Variants in NSUN6 observed in about 807,000 individuals in gnomAD.
NSUN6 encodes NOP2/Sun RNA methyltransferase 6.
A neutral mutation model predicts 58.0 loss-of-function variants in NSUN6; 64 were observed. The ratio of observed to expected loss-of-function variants is 1.10; its 90% CI spans 0.90 to 1.36. The LOEUF (loss-of-function observed/expected upper bound fraction) is 1.36. Ranked by LOEUF, NSUN6 falls within the 40% of genes most tolerant of loss-of-function variation. The probability of loss-of-function intolerance (pLI) is 0.00; values close to 1 mark genes in which losing one functional copy is unlikely to be tolerated. For missense variants in NSUN6, 701 were observed against 550.1 expected (o/e 1.27, Z -2.74); for synonymous variants, 231 against 193.9 (o/e 1.19, Z -1.59).
chr10:18,595,494 G>A (rs763801715), intron 7 of NSUN6, among the ~76,000 whole-genome samples: 28 of 152,008 alleles, frequency 1.8e-4, no homozygotes, highest in Non-Finnish European at 3.7e-4. Flanking sequence ...ACATCACAAC[G>A]CCACAAAATC....
intron 8 of NSUN6, among the ~76,000 whole-genome samples, chr10:18,568,835 T>C (rs1208278281): frequency 3.3e-5 from 3 of 90,286 alleles, no homozygotes; most frequent in Admixed American, 1.1e-4. Flanking sequence ...CATTCCATTC[T>C]CTATTCCATT....
In NSUN6 at chr10:18,568,205, C is replaced by G. The variant is rs577658410; in HGVS notation, c.923-16234G>C. On this transcript the variant is annotated intron_variant, in intron 8 of 10. Transcript: ENST00000377304. The stretch of plus-strand genomic sequence containing the variant: ...CCATTCTCCATTCCACAAAATTCAC[C>G]ATTCCATTCCCGTCCATTATCCATT... Among the ~76,000 whole-genome samples, 3 of 150,916 alleles carry G rather than the reference C, an allele frequency of 2.0e-5. No individual in the cohort carries two copies. The East Asian group carries it at 5.9e-4, about 30-fold the overall frequency.
chr10:18,613,694 G>A (rs963999834), intron 5 of NSUN6, among the ~76,000 whole-genome samples: 1 of 152,072 alleles, frequency 6.6e-6, no homozygotes, highest in South Asian at 2.1e-4. Context: ...CTAGATCTAG[G>A]GAATCCAACA....
intron 3 of NSUN6, among the ~76,000 whole-genome samples, chr10:18,635,198 G>C (rs2059172501): frequency 6.6e-6 from 1 of 152,176 alleles, no homozygotes; most frequent in South Asian, 2.1e-4. Context: ...GGTGCTGGAG[G>C]AATTAAGCAT....
upstream of NSUN6, chr10:18,653,117 G>C (rs979612349): frequency 1.0e-6 from 1 of 984,778 alleles, no homozygotes; most frequent in Admixed American, 6.2e-5. Context: ...TAGCACCACT[G>C]ATGGCTAGAA....
chr10:18,595,418 C>T (rs575210252), intron 7 of NSUN6, among the ~76,000 whole-genome samples: 14 of 152,208 alleles, frequency 9.2e-5, no homozygotes, highest in South Asian at 2.1e-4. Flanking sequence ...AGAATTAACA[C>T]TTTCTCAAAG....
intron 6 of NSUN6, among the ~76,000 whole-genome samples, chr10:18,608,832 C>G (rs1352443816): frequency 2.0e-5 from 3 of 152,062 alleles, no homozygotes; most frequent in African/African-American, 7.2e-5. Context: ...CAAAAAAACT[C>G]CACTGAAACT....
intron 8 of NSUN6, among the ~76,000 whole-genome samples, chr10:18,583,706 T>C (rs893239351): frequency 6.6e-6 from 1 of 152,044 alleles, no homozygotes; most frequent in African/African-American, 2.4e-5. Flanking sequence ...AAAAAGGATA[T>C]CAAGATGTTG....
chr10:18,580,316 T>G (rs1242139344), intron 8 of NSUN6, among the ~76,000 whole-genome samples: 1 of 152,146 alleles, frequency 6.6e-6, no homozygotes, highest in Non-Finnish European at 1.5e-5. Flanking sequence ...TTTCCACTTC[T>G]CCGAAGCTCA....
intron 2 of NSUN6, among the ~76,000 whole-genome samples, chr10:18,643,294 A>G (rs145216854): frequency 9.3e-4 from 141 of 151,682 alleles, no homozygotes; most frequent in Non-Finnish European, 1.6e-3. Flanking sequence ...AGAATAAAAA[A>G]CAGCTGCATA....
intron 3 of NSUN6, among the ~76,000 whole-genome samples, chr10:18,632,120 T>A (rs2059053117): frequency 6.6e-6 from 1 of 151,632 alleles, no homozygotes; most frequent in African/African-American, 2.4e-5. Flanking sequence ...AACTATCTGA[T>A]CTTTGACAAA....
At chr10:18,590,687 A>T (rs1451037374) in intron 7 of NSUN6, among the ~76,000 whole-genome samples, 1 of 152,224 alleles carries the variant, frequency 6.6e-6, no homozygotes, top group Non-Finnish European at 1.5e-5. Flanking sequence ...AGGCAGAAAT[A>T]AAGAAGTTAT....
At chr10:18,609,801 T>A in intron 6 of NSUN6, 44 bp downstream of exon 6, 1 of 965,808 alleles carries the variant, frequency 1.0e-6, no homozygotes, top group Non-Finnish European at 1.6e-6. Flanking sequence ...TTCACTGATG[T>A]ATGTTTCAAT....
intron 9 of NSUN6, among the ~76,000 whole-genome samples, chr10:18,550,815 C>G (rs2054553215): frequency 6.6e-6 from 1 of 151,764 alleles, no homozygotes; most frequent in Non-Finnish European, 1.5e-5. Context: ...ACCTTCGCCT[C>G]CCGAGTTCAA....
Position 18,551,301 on chromosome 10 carries a change from T to C in NSUN6, c.1071+522A>G, listed in dbSNP as rs1000549479. Among the ~76,000 whole-genome samples the C allele has an allele frequency of 4.2e-5, 6 of 141,620 alleles. No individual in the cohort carries two copies. The East Asian group carries it at 1.3e-3, about 30-fold the overall frequency. The allele number at this position is 141,620 out of a possible 152,430, so 92.9% of individuals were successfully genotyped here. Reference sequence around the variant, plus strand: ...GTGTGTGTGTGTGTGTGGTAAAATATAAATAACATAAAATTTATCATTTTA... The same window carrying C: ...GTGTGTGTGTGTGTGTGGTAAAATACAAATAACATAAAATTTATCATTTTA... On this transcript the variant is annotated intron_variant, in intron 9 of 10. Transcript: ENST00000377304.
At chr10:18,551,472 G>A (rs1216019115) in intron 9 of NSUN6, among the ~76,000 whole-genome samples, 1 of 151,970 alleles carries the variant, frequency 6.6e-6, no homozygotes, top group Non-Finnish European at 1.5e-5. Context: ...GCCCCACAAT[G>A]CCTGGTAGTA....
At chr10:18,582,086 C>T (rs944109208) in intron 8 of NSUN6, among the ~76,000 whole-genome samples, 1 of 152,138 alleles carries the variant, frequency 6.6e-6, no homozygotes, top group Non-Finnish European at 1.5e-5. Flanking sequence ...GGTCATATAC[C>T]AGTTAAACTT....
At chr10:18,594,773 A>G (rs1419676228) in intron 7 of NSUN6, among the ~76,000 whole-genome samples, 2 of 152,122 alleles carry the variant, frequency 1.3e-5, no homozygotes, top group African/African-American at 4.8e-5. Context: ...CATAGCCTCA[A>G]TTCTTCAACT....
intron 6 of NSUN6, among the ~76,000 whole-genome samples, chr10:18,601,843 G>A (rs926907341): frequency 6.6e-6 from 1 of 151,682 alleles, no homozygotes; most frequent in Non-Finnish European, 1.5e-5. Flanking sequence ...TGGGCATGGT[G>A]GTGGGCGCCT....
Sources: gnomAD v4.1 joint callset for allele counts (sites outside exome capture counted in the v4.1 genomes callset) on GRCh38, gnomAD v4.1.1 for gene constraint, MANE v1.5 for transcripts, NCBI Gene and HGNC (gene_info 2026-07-23, HGNC 2026-07-21) for gene names.